PHLPP2: variants seen among roughly 807,000 people sequenced by gnomAD.
The protein encoded by PHLPP2 is PH domain leucine-rich repeat-containing protein phosphatase 2.
In PHLPP2, 66 loss-of-function variants were observed where a neutral mutation model predicts 124.9. The observed-to-expected ratio is 0.53, with a 90% CI of 0.43 to 0.65. The LOEUF is 0.65. Ranked by LOEUF, PHLPP2 falls within the 30% of genes least tolerant of loss-of-function variation. PHLPP2 has a pLI of 0.00. For missense variants in PHLPP2, 1,685 were observed against 1,600.4 expected (o/e 1.05, Z -0.90); for synonymous variants, 681 against 624.7 (o/e 1.09, Z -1.34).
chr16:71,649,409 A>T lies in PHLPP2; in HGVS notation c.3453T>A (p.Asp1151Glu). 6.2e-7 allele frequency: 1 copy of T among 1,614,138 alleles called. No homozygotes were observed. Among genetic ancestry groups the T allele is most frequent in the Non-Finnish European group, 8.5e-7 (1 of 1,180,032 alleles). The change falls in exon 19 of 19, where the codon GAT becomes GAA. Residue 1151 changes from aspartate to glutamate, a missense_variant. Physicochemically the swap from Asp to Glu is conservative, Grantham distance 45. Transcript: ENST00000568954. ...TTATGACCCCCTCAACGGGCTGGTC[A>T]TCATCACTGTCCAGGCCGTTGTCAG... ...NQSDNGLDSDDDQPVEGVITN... is the reference protein window; with the variant it reads ...NQSDNGLDSDEDQPVEGVITN...
At chr16:71,690,817 A>G (rs888409000) in intron 3 of PHLPP2, 108 bp from the exon 4 acceptor site, 5 of 715,224 alleles carry the variant, frequency 7.0e-6, no homozygotes, top group East Asian at 2.7e-5. Flanking sequence ...ATTTATAGAT[A>G]TAAGTAACCA....
chr16:71,685,451 G>A (rs547707542), intron 4 of PHLPP2, among the ~76,000 whole-genome samples: 5 of 152,156 alleles, frequency 3.3e-5, no homozygotes, highest in South Asian at 2.1e-4. Flanking sequence ...ACTTTGTTAC[G>A]TCACAGCTTG....
rs769238409 is a variant in PHLPP2, at chr16:71,678,807, G to C, written c.1216C>G (p.Leu406Val). 6.2e-7 allele frequency: 1 copy of C among 1,612,602 alleles called. No individual in the cohort carries two copies. The highest frequency in any genetic ancestry group is 2.2e-5 in the East Asian group (1 of 44,864). The change falls in exon 8 of 19, where the codon CTG becomes GTG. Residue 406 changes from leucine (L) to valine (V), a missense_variant. Leu to Val is a conservative substitution (Grantham distance 32). Transcript: ENST00000568954. Reference sequence around the variant, plus strand: ...ATCCTATTCAGCACCCCTAAGTTCAGGACTTCCAGGCAATTTCCTGCCATA... The same window carrying C: ...ATCCTATTCAGCACCCCTAAGTTCACGACTTCCAGGCAATTTCCTGCCATA... ...VVMAGNCLEV[L>V]NLGVLNRMNH...
At chr16:71,669,606 G>A (rs2145325259) in intron 10 of PHLPP2, among the ~76,000 whole-genome samples, 1 of 152,308 alleles carries the variant, frequency 6.6e-6, no homozygotes, top group South Asian at 2.1e-4. Flanking sequence ...CAATTATGTT[G>A]CATGCTCAAA....
rs574257489 is a variant in PHLPP2 at position 71,714,754 on chromosome 16, A to T, written c.42T>A (p.Ser14Arg). 3.1e-6 allele frequency: 5 copies of T among 1,613,980 alleles called. No homozygotes were observed. In the South Asian group the frequency reaches 4.4e-5, roughly 14 times the overall value. ...NGSRNCLNRR[S>R]RFGSRERDWL... is the part of the protein sequence containing the mutation. ...AGTCTCTTTCTCGAGAACCAAACCT[A>T]CTTCTCCTATTCAAACAATTTCTGC... is the stretch of plus-strand genomic sequence containing the variant. Residue 14 changes from serine to arginine, a missense_variant, in exon 2 of 19, where the codon AGT (serine) becomes AGA (arginine). Ser to Arg is a moderately radical substitution (Grantham distance 110). Coordinates refer to ENST00000568954, the MANE Select transcript of PHLPP2 (RefSeq NM_015020.3).
intron 13 of PHLPP2, among the ~76,000 whole-genome samples, chr16:71,662,064 C>T (rs1399244022): frequency 2.6e-5 from 4 of 151,826 alleles, no homozygotes; most frequent in African/African-American, 4.8e-5. Context: ...CCTCGTGATC[C>T]GCCCGCCTCG....
chr16:71,690,552 T>C lies in PHLPP2; in HGVS notation c.576A>G (p.Gly192=). The stretch of plus-strand genomic sequence containing the variant: ...CAACCAGAGGCAAAATGTGCATCTT[T>C]CCAGTTTGACAATCCTTCACTGAGG... ...IVSSVKDCQT[G]KMHILPLVGG... is the part of the protein sequence containing the mutation. The change falls in exon 4 of 19, where the codon GGA becomes GGG. Residue 192 remains glycine (G), a synonymous_variant. Transcript: ENST00000568954. 1 of 1,611,578 alleles carries C rather than the reference T, an allele frequency of 6.2e-7. No homozygotes were observed. The highest frequency in any genetic ancestry group is 1.1e-5 in the South Asian group (1 of 90,326).
rs1037615917 is a variant in PHLPP2, at chr16:71,647,357, T to A, written c.*1533A>T. On this transcript the variant is annotated 3_prime_UTR_variant, in exon 19 of 19. Transcript: ENST00000568954. ...TTAAGAATTTCTCAATGAAGTGTCT[T>A]TCTTATGTTAGTATTGAGCCCAGTA... The A allele has an allele frequency of 8.4e-6, 1 of 118,770 alleles. No homozygotes were observed. The highest frequency in any genetic ancestry group is 2.8e-5 in the African/African-American group (1 of 35,130). The allele number at this position is 118,770 out of a possible 1,614,324, so 7.4% of individuals were successfully genotyped here. A position where few individuals can be genotyped will look rare whatever the true frequency, so the allele number is the denominator to read the frequency against.
At chr16:71,691,743 C>A (rs1726603751) in intron 3 of PHLPP2, among the ~76,000 whole-genome samples, 1 of 151,908 alleles carries the variant, frequency 6.6e-6, no homozygotes, top group South Asian at 2.1e-4. Flanking sequence ...TCATCAGAGG[C>A]CTTCATGACT....
chr16:71,694,551 A>C (rs1326712669), intron 3 of PHLPP2, among the ~76,000 whole-genome samples: 1 of 152,204 alleles, frequency 6.6e-6, no homozygotes, highest in African/African-American at 2.4e-5. Context: ...ATAAAATAAA[A>C]AGTTACAGGC....
intron 13 of PHLPP2, among the ~76,000 whole-genome samples, chr16:71,660,757 G>A (rs1040945824): frequency 4.6e-5 from 7 of 152,052 alleles, no homozygotes; most frequent in Admixed American, 2.0e-4. Context: ...GTGTTCCCAT[G>A]TCCAAATCTC....
chr16:71,687,018 T>G (rs12149264), intron 4 of PHLPP2, among the ~76,000 whole-genome samples: 17,411 of 152,294 alleles, frequency 0.11, 1,203 homozygotes, highest in Middle Eastern at 0.19. Flanking sequence ...ATAACTGTTT[T>G]GCAAAGTAAC....
At chr16:71,709,919 C>T (rs1317515968) in intron 2 of PHLPP2, among the ~76,000 whole-genome samples, 1 of 152,122 alleles carries the variant, frequency 6.6e-6, no homozygotes, top group African/African-American at 2.4e-5. Context: ...CTGCAACCTC[C>T]GCCTCCCAGG....
intron 3 of PHLPP2, chr16:71,698,571 G>A (rs2045197314): frequency 1.6e-6 from 1 of 637,090 alleles, no homozygotes; most frequent in South Asian, 1.4e-5. Context: ...TGAAAGGCCT[G>A]TCTCTAAGGT....
intron 18 of PHLPP2, among the ~76,000 whole-genome samples, chr16:71,652,288 T>C (rs1351274659): frequency 6.6e-6 from 1 of 152,246 alleles, no homozygotes; most frequent in African/African-American, 2.4e-5. Context: ...GCTAAAGTTC[T>C]TCTGAAAGCA....
intron 2 of PHLPP2, among the ~76,000 whole-genome samples, chr16:71,706,538 T>G (rs1597015582): frequency 6.6e-6 from 1 of 152,196 alleles, no homozygotes; most frequent in Non-Finnish European, 1.5e-5. Context: ...AATCCTTGAC[T>G]GCCTATAAAG....
intron 13 of PHLPP2, among the ~76,000 whole-genome samples, chr16:71,662,877 T>C (rs2044804432): frequency 2.4e-5 from 1 of 42,050 alleles, no homozygotes; most frequent in East Asian, 7.2e-3. Context: ...AGTTCTAAAG[T>C]TGTTTTTTTT....
chr16:71,705,309 A>C (rs1160783070), intron 2 of PHLPP2, among the ~76,000 whole-genome samples: 1 of 152,196 alleles, frequency 6.6e-6, no homozygotes, highest in African/African-American at 2.4e-5. Context: ...ATTCCATATA[A>C]GGACCACGTA....
intron 5 of PHLPP2, among the ~76,000 whole-genome samples, 188 bp downstream of exon 5, chr16:71,684,288 G>T (rs2045031861): frequency 6.6e-6 from 1 of 151,260 alleles, no homozygotes; most frequent in Non-Finnish European, 1.5e-5. Flanking sequence ...ACCACACCCA[G>T]CTAATTTTTT....
Sources: gnomAD v4.1 joint callset for allele counts (sites outside exome capture counted in the v4.1 genomes callset) on GRCh38, gnomAD v4.1.1 for gene constraint, MANE v1.5 for transcripts, NCBI Gene and HGNC (gene_info 2026-07-23, HGNC 2026-07-21) for gene names.